The following APOL1 variants were observed in gnomAD, a reference collection of about 807,000 sequenced individuals.
APOL1 encodes apolipoprotein L 1.
A neutral mutation model predicts 14.9 loss-of-function variants in APOL1; 17 were observed. That is an observed-to-expected ratio of 1.14 (90% CI 0.78 to 1.71). The LOEUF (loss-of-function observed/expected upper bound fraction) is 1.71. APOL1 is among the 40% of genes most tolerant of loss of function. APOL1 has a pLI of 0.00. For missense variants in APOL1, 523 were observed against 485.9 expected, an observed-to-expected ratio of 1.08 and a Z score of -0.72; for synonymous variants, 195 against 184.8, an observed-to-expected ratio of 1.05 and a Z score of -0.45.
Position 36,266,055 on chromosome 22 carries a change from A to G in APOL1, c.*22A>G. 6.4e-7 allele frequency: 1 copy of G among 1,565,696 alleles called. No individual in the cohort carries two copies. Among genetic ancestry groups the G allele is most frequent in the South Asian group, 1.2e-5 (1 of 82,678 alleles). ...GTGACCACAGGGCAGGGCAGCCACCAGGAGAGATATGCCTGGCAGGGGCCA... is the reference window on the plus strand; with the variant it reads ...GTGACCACAGGGCAGGGCAGCCACCGGGAGAGATATGCCTGGCAGGGGCCA... On this transcript the variant is annotated 3_prime_UTR_variant, in exon 6 of 6. Coordinates refer to ENST00000397278, the MANE Select transcript of APOL1 (RefSeq NM_003661.4).
At chr22:36,257,758 G>T (rs998109083) in intron 4 of APOL1, among the ~76,000 whole-genome samples, 2 of 152,014 alleles carry the variant, frequency 1.3e-5, no homozygotes, top group African/African-American at 2.4e-5. Context: ...GGGAGAGGAG[G>T]TTGACCAGCA....
chr22:36,257,035 T>A (rs992827544), intron 2 of APOL1, 48 bp from the exon 3 acceptor site: 40 of 1,602,678 alleles, frequency 2.5e-5, no homozygotes, highest in Non-Finnish European at 3.0e-5. Flanking sequence ...TCTGTAATGA[T>A]CAGATGGCTG....
At chr22:36,264,810 C>CT (rs368899919) in intron 5 of APOL1, among the ~76,000 whole-genome samples, 12,339 of 120,508 alleles carry the variant, frequency 0.1, 888 homozygotes, top group Non-Finnish European at 0.16. Context: ...AACTGCATTT[C>CT]TTTTTTTTTT....
intron 1 of APOL1, 73 bp from the exon 2 acceptor site, chr22:36,254,862 CAA>C (rs199714563): frequency 1.4e-6 from 2 of 1,414,900 alleles, no homozygotes; most frequent in Non-Finnish European, 9.7e-7. Flanking sequence ...GACTCCATTT[CAA>C]AAAAAAAATG....
intron 2 of APOL1, 21 bp downstream of exon 2, chr22:36,255,020 T>C (rs192516392): frequency 6.2e-6 from 10 of 1,609,082 alleles, no homozygotes; most frequent in South Asian, 5.5e-5. Flanking sequence ...CTCAGAGCCC[T>C]GAGGCGGGAG....
chr22:36,265,030 C>T, intron 5 of APOL1, 121 bp from the exon 6 acceptor site: 1 of 1,280,440 alleles, frequency 7.8e-7, no homozygotes. Flanking sequence ...TCAGGATGGT[C>T]TCAATCTCCT....
chr22:36,257,899 G>A (rs753021367), intron 4 of APOL1, among the ~76,000 whole-genome samples: 10 of 152,124 alleles, frequency 6.6e-5, no homozygotes, highest in East Asian at 1.9e-4. Context: ...GGAATGTATC[G>A]GGCCTGATTC....
intron 5 of APOL1, among the ~76,000 whole-genome samples, chr22:36,264,810 C>CTTTT (rs368899919): frequency 1.5e-4 from 18 of 120,424 alleles, no homozygotes; most frequent in South Asian, 2.7e-4. Context: ...AACTGCATTT[C>CTTTT]TTTTTTTTTT....
At chr22:36,260,211 G>A (rs139305737) in intron 4 of APOL1, among the ~76,000 whole-genome samples, 70 of 152,290 alleles carry the variant, frequency 4.6e-4, no homozygotes, top group African/African-American at 1.6e-3. Flanking sequence ...TGTCTAACAC[G>A]ATGAAACCCT....
In APOL1 at chr22:36,265,918, A is replaced by C; in HGVS notation, c.1082A>C (p.Glu361Ala). ...GTGTACGAATCAAAGCACTTACATGAGGGGGCAAAGTCAGAGACAGCTGAG... is the reference window on the plus strand; with the variant it reads ...GTGTACGAATCAAAGCACTTACATGCGGGGGCAAAGTCAGAGACAGCTGAG... ...YLVYESKHLH[E>A]GAKSETAEEL... Residue 361 changes from glutamate (E) to alanine (A), a missense_variant, in exon 6 of 6, where the codon GAG (glutamate) becomes GCG (alanine). Transcript: ENST00000397278. 14 of 1,614,062 alleles carry C rather than the reference A, an allele frequency of 8.7e-6. No individual in the cohort carries two copies. The highest frequency in any genetic ancestry group is 1.1e-5 in the Non-Finnish European group (13 of 1,180,014).
At chr22:36,261,860 C>T in intron 5 of APOL1, 138 bp downstream of exon 5, 2 of 1,079,174 alleles carry the variant, frequency 1.9e-6, no homozygotes, top group South Asian at 1.9e-5. Flanking sequence ...CTTGGCACTC[C>T]AGGAAGAATA....
At chr22:36,264,810 C>CTTTTTT (rs368899919) in intron 5 of APOL1, among the ~76,000 whole-genome samples, 94 of 120,374 alleles carry the variant, frequency 7.8e-4, no homozygotes, top group Admixed American at 1.0e-3. Context: ...AACTGCATTT[C>CTTTTTT]TTTTTTTTTT....
chr22:36,254,669 T>C (rs978306347), intron 1 of APOL1, among the ~76,000 whole-genome samples: 1 of 152,136 alleles, frequency 6.6e-6, no homozygotes, highest in Non-Finnish European at 1.5e-5. Flanking sequence ...GAGACCATCC[T>C]GGCTAACATG....
At chr22:36,262,536 G>A (rs956430963) in intron 5 of APOL1, among the ~76,000 whole-genome samples, 1 of 152,250 alleles carries the variant, frequency 6.6e-6, no homozygotes, top group African/African-American at 2.4e-5. Flanking sequence ...CAGCGTCAGA[G>A]CCTGGAGTCA....
intron 4 of APOL1, among the ~76,000 whole-genome samples, chr22:36,258,769 T>C (rs1603482063): frequency 6.6e-6 from 1 of 151,986 alleles, no homozygotes; most frequent in Non-Finnish European, 1.5e-5. Context: ...TTTCTTGGAA[T>C]TGGGAGGGCA....
chr22:36,256,978 C>G, intron 2 of APOL1, 105 bp from the exon 3 acceptor site: 1 of 1,284,650 alleles, frequency 7.8e-7, no homozygotes, highest in Non-Finnish European at 1.1e-6. Flanking sequence ...TGGTCATTGT[C>G]AGAACCTTCC....
At chr22:36,254,041 G>A (rs1346104483) in intron 1 of APOL1, 10 of 1,606,810 alleles carry the variant, frequency 6.2e-6, no homozygotes, top group Non-Finnish European at 8.5e-6. Context: ...TTCATAGAAG[G>A]AGAATCAAAC....
chr22:36,253,843 T>C, intron 1 of APOL1: 13 of 1,262,036 alleles, frequency 1.0e-5, no homozygotes, highest in Non-Finnish European at 1.5e-5. Flanking sequence ...TTCAGACTTC[T>C]GGGGTGATGG....
chr22:36,259,754 A>C (rs758750413), intron 4 of APOL1: 20 of 1,304,180 alleles, frequency 1.5e-5, no homozygotes, highest in Middle Eastern at 2.1e-4. Flanking sequence ...GAGGTGCCTC[A>C]AGGATCAGTG....
Sources: allele counts gnomAD v4.1 joint callset (sites outside exome capture counted in the v4.1 genomes callset), GRCh38; gene constraint gnomAD v4.1.1; transcripts MANE v1.5; gene names NCBI Gene and HGNC (gene_info 2026-07-23, HGNC 2026-07-21).